CDH12: variants seen among roughly 807,000 people sequenced by gnomAD.
CDH12 encodes the protein cadherin-12.
In CDH12, 41 loss-of-function variants were observed where a neutral mutation model predicts 74.1. That is an observed-to-expected ratio of 0.55 (90% CI 0.43 to 0.72). The LOEUF is 0.72. Ranked by LOEUF, CDH12 falls within the 30% of genes least tolerant of loss-of-function variation. CDH12 has a pLI of 0.00. For synonymous variants in CDH12, 399 were observed against 355.0 expected (o/e 1.12, Z -1.39); for missense variants, 945 against 977.2 (o/e 0.97, Z 0.44).
intron 6 of CDH12, chr5:21,882,910 A>C (rs1752434254): frequency 6.2e-7 from 1 of 1,604,928 alleles, no homozygotes. Context: ...AACACAAATG[A>C]AGAATCTGGG....
At chr5:22,100,684 CACAT>C (rs887156326) in intron 4 of CDH12, among the ~76,000 whole-genome samples, 4 of 151,716 alleles carry the variant, frequency 2.6e-5, no homozygotes, top group African/African-American at 9.7e-5. Flanking sequence ...CACACACACA[CACAT>C]ACACTCTTTT....
intron 1 of CDH12, among the ~76,000 whole-genome samples, chr5:22,841,399 T>C (rs770691048): frequency 3.3e-5 from 5 of 152,154 alleles, no homozygotes; most frequent in Non-Finnish European, 7.4e-5. Context: ...AATATGTTTG[T>C]GAGTGAAGAC....
intron 3 of CDH12, among the ~76,000 whole-genome samples, chr5:22,247,670 G>A (rs201645526): frequency 0.34 from 8,988 of 26,706 alleles, 390 homozygotes; most frequent in Middle Eastern, 0.5. Context: ...GTGAGACTCC[G>A]TCAAAAAAAA....
At chr5:22,154,441 ATACACATATATATGTACACATATATATG>A (rs1197224217) in intron 4 of CDH12, among the ~76,000 whole-genome samples, 5 of 81,712 alleles carry the variant, frequency 6.1e-5, no homozygotes, top group African/African-American at 2.2e-4. Flanking sequence ...TAGTGAATAT[ATACACATATATATGTACACATATATATG>A]TACACATATA....
intron 3 of CDH12, among the ~76,000 whole-genome samples, chr5:22,338,102 A>G (rs1159732105): frequency 6.6e-6 from 1 of 152,216 alleles, no homozygotes; most frequent in Non-Finnish European, 1.5e-5. Context: ...TAGTAACTCA[A>G]AGAGATATCT....
intron 5 of CDH12, among the ~76,000 whole-genome samples, chr5:22,036,631 T>C (rs966230838): frequency 4.6e-5 from 7 of 152,170 alleles, no homozygotes; most frequent in Non-Finnish European, 1.0e-4. Flanking sequence ...TGCAGATTTT[T>C]AGAGGCATGA....
intron 8 of CDH12, among the ~76,000 whole-genome samples, chr5:21,827,070 C>G (rs1003810620): frequency 6.6e-6 from 1 of 151,984 alleles, no homozygotes; most frequent in Non-Finnish European, 1.5e-5. Flanking sequence ...CTGGTAGAAC[C>G]TACTATCAGT....
chr5:21,962,125 A>C (rs1328399271), intron 6 of CDH12, among the ~76,000 whole-genome samples: 1 of 152,078 alleles, frequency 6.6e-6, no homozygotes, highest in African/African-American at 2.4e-5. Context: ...TCTGCACTGA[A>C]ATTTTTCATC....
At chr5:22,136,636 T>G (rs925368014) in intron 4 of CDH12, among the ~76,000 whole-genome samples, 3 of 151,074 alleles carry the variant, frequency 2.0e-5, no homozygotes. Context: ...GTCTAATATG[T>G]GCATTTACCC....
chr5:21,873,723 T>C (rs1177076825), intron 6 of CDH12, among the ~76,000 whole-genome samples: 2 of 152,210 alleles, frequency 1.3e-5, no homozygotes, highest in Non-Finnish European at 2.9e-5. Flanking sequence ...GCTGCACCTA[T>C]CAACCTATCA....
chr5:22,751,339 C>CAT (rs10616177), intron 1 of CDH12, among the ~76,000 whole-genome samples: 2,024 of 145,216 alleles, frequency 0.014, 37 homozygotes, highest in African/African-American at 0.04. Flanking sequence ...ATATAATATA[C>CAT]ATATATATAT....
intron 1 of CDH12, among the ~76,000 whole-genome samples, chr5:22,849,375 T>C (rs4701204): frequency 0.62 from 94,664 of 151,848 alleles, 30,405 homozygotes; most frequent in Admixed American, 0.7. Context: ...GGGATTTTTT[T>C]TGTATGTTAT....
At chr5:21,790,911 A>T (rs1299664604) in intron 10 of CDH12, among the ~76,000 whole-genome samples, 2 of 152,026 alleles carry the variant, frequency 1.3e-5, no homozygotes, top group African/African-American at 4.8e-5. Context: ...ATAAACACAA[A>T]TATCCAGGCT....
rs189855592 is a variant in CDH12 at position 22,405,534 on chromosome 5, T to G, written c.-427-183A>C. On this transcript the variant is annotated intron_variant, in intron 2 of 14. Coordinates refer to ENST00000382254, the MANE Select transcript of CDH12 (RefSeq NM_004061.5). ...AAACAAAATTCTATCAGGCCAAAGA[T>G]AGTAACTCTCTGGAAAAAATAAAAA... Among the ~76,000 whole-genome samples, 12 of 152,210 alleles carry G rather than the reference T, an allele frequency of 7.9e-5. No individual in the cohort carries two copies. The East Asian group carries it at 2.1e-3, about 27-fold the overall frequency.
At chr5:22,202,288 C>G (rs1404131291) in intron 4 of CDH12, among the ~76,000 whole-genome samples, 1 of 151,850 alleles carries the variant, frequency 6.6e-6, no homozygotes, top group Non-Finnish European at 1.5e-5. Context: ...TTCTCATCTT[C>G]ACAGAGCTTA....
chr5:21,896,229 A>T (rs1258411964), intron 6 of CDH12, among the ~76,000 whole-genome samples: 1 of 152,218 alleles, frequency 6.6e-6, no homozygotes, highest in Non-Finnish European at 1.5e-5. Flanking sequence ...GAGTGAGAAA[A>T]ATACAAATAC....
intron 2 of CDH12, among the ~76,000 whole-genome samples, chr5:22,428,170 CAGAT>C (rs945975861): frequency 4.8e-5 from 7 of 146,934 alleles, no homozygotes; most frequent in East Asian, 2.0e-4. Context: ...ATATAGATGA[CAGAT>C]AGATAGAAAT....
intron 11 of CDH12, among the ~76,000 whole-genome samples, chr5:21,775,053 A>G (rs1006367247): frequency 6.6e-6 from 1 of 152,186 alleles, no homozygotes; most frequent in Non-Finnish European, 1.5e-5. Context: ...CCCTTTAGGA[A>G]ATGTTCCAGG....
intron 5 of CDH12, among the ~76,000 whole-genome samples, chr5:22,043,603 A>G (rs1325614626): frequency 6.6e-6 from 1 of 151,874 alleles, no homozygotes; most frequent in African/African-American, 2.4e-5. Flanking sequence ...GGATTTAGAT[A>G]AAATAAAAAA....
Sources: allele counts gnomAD v4.1 joint callset (sites outside exome capture counted in the v4.1 genomes callset), GRCh38; gene constraint gnomAD v4.1.1; transcripts MANE v1.5; gene names NCBI Gene and HGNC (gene_info 2026-07-23, HGNC 2026-07-21).